The following KLF12 variants were observed in gnomAD, a reference collection of about 807,000 sequenced individuals.
KLF12 encodes the protein Krueppel-like factor 12.
In KLF12, 9 loss-of-function variants were observed where a neutral mutation model predicts 37.8. The ratio of observed to expected loss-of-function variants is 0.24; its 90% CI spans 0.14 to 0.42. KLF12 has a LOEUF of 0.42. Ranked by LOEUF, KLF12 falls within the 10% of genes least tolerant of loss-of-function variation. The pLI is 1.00. For synonymous variants in KLF12, 208 were observed against 202.1 expected (o/e 1.03, Z -0.25); for missense variants, 411 against 516.0 (o/e 0.80, Z 1.97).
chr13:74,171,752 A>C, the KLF12 span, among the ~76,000 whole-genome samples: 2 of 152,250 alleles, frequency 1.3e-5, no homozygotes, highest in Non-Finnish European at 2.9e-5. Context: ...AGCTGCTAAA[A>C]AGACTCCCAC....
At chr13:73,919,742 A>G (rs1889025507) in intron 3 of KLF12, among the ~76,000 whole-genome samples, 1 of 152,210 alleles carries the variant, frequency 6.6e-6, no homozygotes, top group African/African-American at 2.4e-5. Flanking sequence ...TGTAATCAAT[A>G]TATTACAAAA....
At chr13:73,834,136 C>T (rs1444034045) in intron 4 of KLF12, among the ~76,000 whole-genome samples, 1 of 150,008 alleles carries the variant, frequency 6.7e-6, no homozygotes, top group Non-Finnish European at 1.5e-5. Context: ...GGGGAGAACA[C>T]CTCCTCCCCC....
chr13:74,030,567 T>A (rs1893088481), intron 1 of KLF12, among the ~76,000 whole-genome samples: 1 of 152,050 alleles, frequency 6.6e-6, no homozygotes, highest in South Asian at 2.1e-4. Context: ...TCCTGTCCTT[T>A]CCTCCCACGC....
the KLF12 span, among the ~76,000 whole-genome samples, chr13:74,171,623 A>G: frequency 6.6e-6 from 1 of 152,194 alleles, no homozygotes; most frequent in Non-Finnish European, 1.5e-5. Flanking sequence ...TATTATTTAT[A>G]GTAGTTATTT....
intron 3 of KLF12, among the ~76,000 whole-genome samples, chr13:73,935,600 C>T (rs773183256): frequency 8.6e-5 from 13 of 151,964 alleles, no homozygotes; most frequent in Non-Finnish European, 1.6e-4. Context: ...ACATGATGCA[C>T]GAGCTCCCAC....
chr13:74,038,682 G>A (rs569314391), intron 1 of KLF12, among the ~76,000 whole-genome samples: 1 of 152,162 alleles, frequency 6.6e-6, no homozygotes, highest in Admixed American at 6.5e-5. Flanking sequence ...TCAACCCTGT[G>A]GAGAAATTTT....
chr13:73,695,935 T>C (rs1390646523), intron 7 of KLF12, among the ~76,000 whole-genome samples: 1 of 152,172 alleles, frequency 6.6e-6, no homozygotes, highest in Non-Finnish European at 1.5e-5. Context: ...AAGGCATGGA[T>C]TGACTGCCAC....
the KLF12 span, among the ~76,000 whole-genome samples, chr13:74,273,317 C>T: frequency 6.6e-6 from 1 of 152,056 alleles, no homozygotes; most frequent in African/African-American, 2.4e-5. Flanking sequence ...TTCTAATTTC[C>T]ATATAAGCAA....
At chr13:73,980,946 G>A (rs949776512) in intron 2 of KLF12, among the ~76,000 whole-genome samples, 3 of 152,122 alleles carry the variant, frequency 2.0e-5, no homozygotes, top group Admixed American at 2.0e-4. Flanking sequence ...GATCACTTGA[G>A]GCCAGAAGTT....
intron 1 of KLF12, among the ~76,000 whole-genome samples, chr13:74,050,270 A>G (rs1007312502): frequency 2.6e-5 from 4 of 152,228 alleles, no homozygotes; most frequent in African/African-American, 4.8e-5. Flanking sequence ...ATTATTTCCA[A>G]TCTTCAGTTA....
chr13:74,213,773 T>G, the KLF12 span, among the ~76,000 whole-genome samples: 1 of 152,198 alleles, frequency 6.6e-6, no homozygotes, highest in African/African-American at 2.4e-5. Context: ...AAATATCTCC[T>G]TGAAGCCCAA....
chr13:73,795,782 A>G (rs192256279), intron 5 of KLF12, among the ~76,000 whole-genome samples: 11 of 152,306 alleles, frequency 7.2e-5, no homozygotes, highest in Non-Finnish European at 1.3e-4. Flanking sequence ...TCTACTCGGG[A>G]CAAACCAAGA....
intron 1 of KLF12, among the ~76,000 whole-genome samples, chr13:74,012,819 CATATT>C (rs1266554276): frequency 6.6e-5 from 10 of 152,182 alleles, no homozygotes; most frequent in African/African-American, 2.4e-4. Context: ...AAAACAATCA[CATATT>C]ATATCTAACC....
chr13:74,128,798 A>T (rs564597458), intron 1 of KLF12, among the ~76,000 whole-genome samples: 1 of 152,170 alleles, frequency 6.6e-6, no homozygotes, highest in Non-Finnish European at 1.5e-5. Context: ...GTATTACTAA[A>T]GATAGAATTT....
chr13:74,082,529 C>A (rs893106263), intron 1 of KLF12, among the ~76,000 whole-genome samples: 2 of 151,972 alleles, frequency 1.3e-5, no homozygotes, highest in African/African-American at 4.8e-5. Context: ...TTTTTTCCAA[C>A]CCCTCTGACA....
At chr13:74,028,644 TC>T (rs1395875200) in intron 1 of KLF12, among the ~76,000 whole-genome samples, 1 of 152,036 alleles carries the variant, frequency 6.6e-6, no homozygotes, top group Non-Finnish European at 1.5e-5. Context: ...ATCTAGAAGT[TC>T]TCTTACTATG....
At chr13:73,860,579 A>G (rs1317679828) in intron 3 of KLF12, among the ~76,000 whole-genome samples, 1 of 152,156 alleles carries the variant, frequency 6.6e-6, no homozygotes, top group East Asian at 1.9e-4. Context: ...TACTAAAAAT[A>G]AAAAATAAAA....
chr13:73,914,486 A>T (rs1012471315), intron 3 of KLF12, among the ~76,000 whole-genome samples: 1 of 152,200 alleles, frequency 6.6e-6, no homozygotes, highest in Admixed American at 6.5e-5. Context: ...GAGCCAAATA[A>T]CTTTTTTTTC....
At chr13:74,235,625 T>A in the KLF12 span, among the ~76,000 whole-genome samples, 2 of 152,238 alleles carry the variant, frequency 1.3e-5, no homozygotes, top group African/African-American at 4.8e-5. Flanking sequence ...TCTTTATATG[T>A]TAATAGCAAT....
Sources: gnomAD v4.1 joint callset for allele counts (sites outside exome capture counted in the v4.1 genomes callset) on GRCh38, gnomAD v4.1.1 for gene constraint, MANE v1.5 for transcripts, NCBI Gene and HGNC (gene_info 2026-07-23, HGNC 2026-07-21) for gene names.